Variants in GPHN observed in about 807,000 individuals in gnomAD.
GPHN encodes gephyrin.
In GPHN, 17 loss-of-function variants were observed where a neutral mutation model predicts 95.5. The observed-to-expected ratio is 0.18, with a 90% CI of 0.12 to 0.27. GPHN has a LOEUF of 0.27. Among genes scored for constraint, GPHN ranks in the 10% least tolerant of loss-of-function variants. The pLI is 1.00. For missense variants in GPHN, 660 were observed against 978.1 expected (o/e 0.67, Z 4.34); for synonymous variants, 320 against 322.5 (o/e 0.99, Z 0.08).
chr14:67,301,348 C>A, the GPHN span: 7 of 1,423,708 alleles, frequency 4.9e-6, no homozygotes, highest in African/African-American at 9.8e-5. Flanking sequence ...ACTGATACTT[C>A]CTATAATCTA....
the GPHN span, chr14:67,583,990 A>G: frequency 6.2e-7 from 1 of 1,613,992 alleles, no homozygotes; most frequent in Non-Finnish European, 8.5e-7. Context: ...ATCTGCCCAC[A>G]CCAGGCACCT....
intron 1 of GPHN, among the ~76,000 whole-genome samples, chr14:66,656,619 A>G (rs2153370015): frequency 6.6e-6 from 1 of 152,224 alleles, no homozygotes; most frequent in East Asian, 1.9e-4. Flanking sequence ...TCTGTGTCAC[A>G]TTTTGGTAAT....
rs185585626 is a variant in GPHN, at chr14:66,643,276, A to G, written c.65-37831A>G. Among the ~76,000 whole-genome samples the G allele has an allele frequency of 3.7e-3, 557 of 152,200 alleles. 1 individual carries two copies. The highest frequency in any genetic ancestry group is 5.9e-3 in the Non-Finnish European group (402 of 67,928). ...TTCCAAGTGTTTGTAAGGAAGTTGTATAGTTGGATATCTGATACACAAATT... is the reference window on the plus strand; with the variant it reads ...TTCCAAGTGTTTGTAAGGAAGTTGTGTAGTTGGATATCTGATACACAAATT... On this transcript the variant is annotated intron_variant, in intron 1 of 22. Coordinates refer to ENST00000478722, the MANE Select transcript of GPHN (RefSeq NM_020806.5).
intron 18 of GPHN, among the ~76,000 whole-genome samples, chr14:67,150,459 A>C (rs980758127): frequency 2.6e-4 from 35 of 135,094 alleles, no homozygotes; most frequent in Non-Finnish European, 3.7e-4. Flanking sequence ...AAAACAAAAA[A>C]AAAAAAAAAA....
At chr14:67,304,749 A>C in the GPHN span, among the ~76,000 whole-genome samples, 1 of 152,218 alleles carries the variant, frequency 6.6e-6, no homozygotes, top group African/African-American at 2.4e-5. Flanking sequence ...AATAAACTAA[A>C]ACCATCCAAT....
intron 12 of GPHN, among the ~76,000 whole-genome samples, chr14:67,098,320 AG>A (rs1251090066): frequency 6.6e-6 from 1 of 152,188 alleles, no homozygotes; most frequent in Non-Finnish European, 1.5e-5. Context: ...AATGAATAAA[AG>A]GAATAAAGAG....
At chr14:67,650,940 T>C in the GPHN span, 1 of 1,609,478 alleles carries the variant, frequency 6.2e-7, no homozygotes. Context: ...TGCACTGACA[T>C]GTTTCACAAC....
chr14:67,142,128 T>A (rs1230783288), intron 17 of GPHN, among the ~76,000 whole-genome samples: 1 of 152,178 alleles, frequency 6.6e-6, no homozygotes, highest in East Asian at 1.9e-4. Context: ...TCTCATTAGA[T>A]GTCCATAGGG....
the GPHN span, chr14:67,559,672 T>C: frequency 1.9e-6 from 3 of 1,605,788 alleles, no homozygotes; most frequent in Non-Finnish European, 2.6e-6. Context: ...AAGGAATGGG[T>C]GACACTCAAG....
At chr14:67,544,371 T>A in the GPHN span, among the ~76,000 whole-genome samples, 3 of 152,090 alleles carry the variant, frequency 2.0e-5, no homozygotes, top group Admixed American at 6.6e-5. Context: ...GGGAGCCTGG[T>A]AGGGACAGAA....
chr14:67,388,433 G>C, the GPHN span: 6 of 679,778 alleles, frequency 8.8e-6, no homozygotes, highest in Non-Finnish European at 1.6e-5. Flanking sequence ...AGCTGAACTT[G>C]GACATCACAT....
chr14:67,492,656 C>T, the GPHN span, among the ~76,000 whole-genome samples: 3 of 152,222 alleles, frequency 2.0e-5, no homozygotes, highest in Non-Finnish European at 4.4e-5. Context: ...CTGGACCGCT[C>T]TTATGGTGTG....
the GPHN span, chr14:67,374,385 C>T: frequency 1.5e-6 from 1 of 680,592 alleles, no homozygotes; most frequent in Non-Finnish European, 2.4e-6. Flanking sequence ...GCCAATCAAA[C>T]ACTTAATTTG....
intron 1 of GPHN, among the ~76,000 whole-genome samples, chr14:66,619,444 A>T (rs547520483): frequency 6.8e-6 from 1 of 146,772 alleles, no homozygotes; most frequent in Admixed American, 6.8e-5. Context: ...TATAATTTTA[A>T]TTTGCATTTT....
the GPHN span, among the ~76,000 whole-genome samples, chr14:67,315,050 G>GTGAGCTTT: frequency 6.6e-6 from 1 of 152,162 alleles, no homozygotes; most frequent in Non-Finnish European, 1.5e-5. Context: ...TGAGGCTGCA[G>GTGAGCTTT]TGAGCTTTGA....
At chr14:67,542,399 T>C in the GPHN span, among the ~76,000 whole-genome samples, 2 of 152,222 alleles carry the variant, frequency 1.3e-5, no homozygotes, top group African/African-American at 4.8e-5. Context: ...GGTGTTCTGC[T>C]TTCCTGGTAA....
At chr14:67,548,340 T>A in the GPHN span, among the ~76,000 whole-genome samples, 2 of 152,204 alleles carry the variant, frequency 1.3e-5, no homozygotes, top group Non-Finnish European at 2.9e-5. Flanking sequence ...TTAGAACTAA[T>A]ACAAGGTTTT....
intron 1 of GPHN, among the ~76,000 whole-genome samples, chr14:66,549,393 A>C (rs945242627): frequency 1.9e-4 from 29 of 152,332 alleles, no homozygotes; most frequent in African/African-American, 6.5e-4. Context: ...AAGCCACAAC[A>C]TTTTGTTAAG....
chr14:67,413,153 G>T, the GPHN span, among the ~76,000 whole-genome samples: 1 of 152,134 alleles, frequency 6.6e-6, no homozygotes, highest in Non-Finnish European at 1.5e-5. Flanking sequence ...TAAATAGATA[G>T]GATCAACAAC....
Sources: allele counts gnomAD v4.1 joint callset (sites outside exome capture counted in the v4.1 genomes callset), GRCh38; gene constraint gnomAD v4.1.1; transcripts MANE v1.5; gene names NCBI Gene and HGNC (gene_info 2026-07-23, HGNC 2026-07-21).